The following GPR63 variants were observed in gnomAD, a reference collection of about 807,000 sequenced individuals.
GPR63 encodes the protein G protein-coupled receptor 63.
Under a neutral mutation model 23.1 loss-of-function variants are expected in GPR63, and 12 were observed. The observed-to-expected ratio is 0.52, with a 90% CI of 0.33 to 0.84. The LOEUF (loss-of-function observed/expected upper bound fraction) is 0.84. GPR63 is among the 40% of genes least tolerant of loss of function. The probability of loss-of-function intolerance (pLI) is 0.02; values close to 1 mark genes in which losing one functional copy is unlikely to be tolerated. For synonymous variants in GPR63, 172 were observed against 191.1 expected (o/e 0.90, Z 0.82); for missense variants, 472 against 515.6 (o/e 0.92, Z 0.82).
chr6:96,809,562 A>C (rs1168019955), intron 1 of GPR63, among the ~76,000 whole-genome samples: 2 of 152,148 alleles, frequency 1.3e-5, no homozygotes, highest in Non-Finnish European at 2.9e-5. Flanking sequence ...TGGTTCACTA[A>C]GTATGTTCTC....
At chr6:96,807,101 T>C (rs1773914439) in intron 1 of GPR63, among the ~76,000 whole-genome samples, 2 of 152,246 alleles carry the variant, frequency 1.3e-5, no homozygotes, top group Admixed American at 1.3e-4. Flanking sequence ...CAGTAGCTAA[T>C]GGTTTGACTG....
At position 96,799,135 on chromosome 6, in the gene GPR63, A is replaced by C. The variant is rs1164877076; in HGVS notation, c.597T>G (p.Ile199Met). The part of the protein sequence containing the change: ...KLNPYRAKVL[I>M]AVSWATSFCV... ...AAAAGGAAGTTGCCCAAGAAACTGC[A>C]ATCAGAACCTTAGCTCTATATGGGT... The change falls in exon 2 of 2, where the codon ATT (isoleucine) becomes ATG (methionine). Residue 199 changes from isoleucine (I) to methionine (M), a missense_variant. Coordinates refer to ENST00000229955, the MANE Select transcript of GPR63 (RefSeq NM_030784.4). 1 of 1,614,212 alleles carries C rather than the reference A, an allele frequency of 6.2e-7. No individual in the cohort carries two copies.
intron 1 of GPR63, among the ~76,000 whole-genome samples, chr6:96,833,757 T>G (rs2127963094): frequency 6.6e-6 from 1 of 152,296 alleles, no homozygotes; most frequent in South Asian, 2.1e-4. Context: ...TGTTAAGAAT[T>G]TGAAAATGAT....
intron 1 of GPR63, among the ~76,000 whole-genome samples, chr6:96,825,022 A>T (rs1774404701): frequency 6.6e-6 from 1 of 152,196 alleles, no homozygotes; most frequent in Non-Finnish European, 1.5e-5. Flanking sequence ...AAACAAAAGT[A>T]TGAAATATTG....
intron 1 of GPR63, among the ~76,000 whole-genome samples, chr6:96,825,805 T>A (rs76659605): frequency 2.0e-5 from 3 of 152,100 alleles, no homozygotes; most frequent in Admixed American, 2.0e-4. Context: ...TCTTTTTTTT[T>A]ATTTATTCAG....
chr6:96,836,163 G>T (rs1478003737), intron 1 of GPR63, among the ~76,000 whole-genome samples: 1 of 152,184 alleles, frequency 6.6e-6, no homozygotes, highest in East Asian at 1.9e-4. Flanking sequence ...AGAAAATGGG[G>T]CTTCCTTTAC....
In GPR63 at chr6:96,799,006, A is replaced by G. The variant is rs1302143542; in HGVS notation, c.726T>C (p.Tyr242=). The change falls in exon 2 of 2, where the codon TAT becomes TAC. Residue 242 remains tyrosine, a synonymous_variant. Coordinates refer to ENST00000229955, the MANE Select transcript of GPR63 (RefSeq NM_030784.4). The part of the protein sequence containing the change: ...GYTTNPGYQA[Y]VILISLISFF... Reference sequence around the variant, plus strand: ...AAGAAATGAGAGAAATCAAAATCACATAAGCCTGGTAGCCTGGATTGGTTG... The same window carrying G: ...AAGAAATGAGAGAAATCAAAATCACGTAAGCCTGGTAGCCTGGATTGGTTG... 5 of 1,614,050 alleles carry G rather than the reference A, an allele frequency of 3.1e-6. No homozygotes were observed. The East Asian group carries it at 6.7e-5, about 22-fold the overall frequency.
chr6:96,829,010 TA>T (rs1267940033), intron 1 of GPR63, among the ~76,000 whole-genome samples: 1 of 152,014 alleles, frequency 6.6e-6, no homozygotes, highest in Non-Finnish European at 1.5e-5. Context: ...CAAAAACATA[TA>T]AAGTAAAAGG....
chr6:96,826,952 G>A (rs572851239), intron 1 of GPR63, among the ~76,000 whole-genome samples: 1 of 151,564 alleles, frequency 6.6e-6, no homozygotes, highest in East Asian at 1.9e-4. Flanking sequence ...CAAGCTAGCA[G>A]GCAACAGCAA....
chr6:96,830,997 G>A lies in GPR63; in HGVS notation c.-151+6271C>T, dbSNP rs185499681. Reference sequence around the variant, plus strand: ...AATATAGATGTAAACAAACACATGTGCATACACATATACACACAGCTCAAG... The same window carrying A: ...AATATAGATGTAAACAAACACATGTACATACACATATACACACAGCTCAAG... On this transcript the variant is annotated intron_variant, in intron 1 of 1. Transcript: ENST00000229955. Among the ~76,000 whole-genome samples, 1,226 of 152,244 alleles carry A rather than the reference G, an allele frequency of 8.1e-3. 13 individuals are homozygous for A. The highest frequency in any genetic ancestry group is 0.014 in the Non-Finnish European group (975 of 68,014).
chr6:96,816,736 G>T (rs1191500547), intron 1 of GPR63, among the ~76,000 whole-genome samples: 2 of 152,124 alleles, frequency 1.3e-5, no homozygotes, highest in East Asian at 3.9e-4. Flanking sequence ...TTGAAAGTCT[G>T]GTAAAAGAGG....
In GPR63 at chr6:96,799,743, G is replaced by A; in HGVS notation, c.-12C>T. 2 of 1,614,076 alleles carry A rather than the reference G, an allele frequency of 1.2e-6. No individual in the cohort carries two copies. Among genetic ancestry groups the A allele is most frequent in the Non-Finnish European group, 1.7e-6 (2 of 1,179,932 alleles). ...GCCGAGAAGACCATGGTTTCAGTAG[G>A]ATGGAAGATGCAAGCAGAGATGCAG... is the stretch of plus-strand genomic sequence containing the variant. On this transcript the variant is annotated 5_prime_UTR_variant, in exon 2 of 2. Coordinates refer to ENST00000229955, the MANE Select transcript of GPR63 (RefSeq NM_030784.4).
At chr6:96,815,015 G>A (rs1363484971) in intron 1 of GPR63, among the ~76,000 whole-genome samples, 3 of 152,152 alleles carry the variant, frequency 2.0e-5, no homozygotes, top group Non-Finnish European at 2.9e-5. Flanking sequence ...AAACACTATG[G>A]ATAAACTATG....
intron 1 of GPR63, among the ~76,000 whole-genome samples, chr6:96,809,821 T>C (rs994585423): frequency 6.6e-6 from 1 of 152,230 alleles, no homozygotes; most frequent in Non-Finnish European, 1.5e-5. Flanking sequence ...CAGTGAACTT[T>C]CCTGACTCTC....
chr6:96,807,050 C>A (rs1049270289), intron 1 of GPR63, among the ~76,000 whole-genome samples: 1 of 152,216 alleles, frequency 6.6e-6, no homozygotes, highest in African/African-American at 2.4e-5. Flanking sequence ...TTCATTTTGA[C>A]AAATTCATGC....
At position 96,797,710 on chromosome 6, in the gene GPR63, A is replaced by G. The variant is rs2127939297; in HGVS notation, c.*762T>C. The G allele has an allele frequency of 6.6e-6, 1 of 152,226 alleles. No individual in the cohort carries two copies. Among genetic ancestry groups the G allele is most frequent in the South Asian group, 2.1e-4 (1 of 4,818 alleles). 9.4% of individuals were successfully genotyped at this position (152,226 alleles called of 1,614,324 possible). ...AGCCACTTGCCATCCCCCTCACTAC[A>G]TTCACCTTTTAAATTTGCAAGGATC... On this transcript the variant is annotated 3_prime_UTR_variant, in exon 2 of 2. Coordinates refer to ENST00000229955, the MANE Select transcript of GPR63 (RefSeq NM_030784.4).
chr6:96,826,174 T>TG (rs1774433841), intron 1 of GPR63, among the ~76,000 whole-genome samples: 1 of 152,088 alleles, frequency 6.6e-6, no homozygotes, highest in African/African-American at 2.4e-5. Context: ...CTGTGAACCA[T>TG]GGGTGGCTTT....
At chr6:96,814,078 A>G (rs1774105757) in intron 1 of GPR63, among the ~76,000 whole-genome samples, 1 of 152,220 alleles carries the variant, frequency 6.6e-6, no homozygotes, top group Admixed American at 6.5e-5. Context: ...TTTGTAAATG[A>G]CATTCAATGG....
intron 1 of GPR63, among the ~76,000 whole-genome samples, chr6:96,823,602 TTA>T (rs1774363744): frequency 1.3e-5 from 2 of 152,040 alleles, no homozygotes; most frequent in South Asian, 2.1e-4. Flanking sequence ...AAAAATAAAT[TTA>T]GTGTTACCTA....
Sources: allele counts gnomAD v4.1 joint callset (sites outside exome capture counted in the v4.1 genomes callset), GRCh38; gene constraint gnomAD v4.1.1; transcripts MANE v1.5; gene names NCBI Gene and HGNC (gene_info 2026-07-23, HGNC 2026-07-21).